Variants in ZNF722 observed in about 807,000 individuals in gnomAD.
ZNF722 encodes the protein zinc finger protein 479 pseudogene.
the ZNF722 span, among the ~76,000 whole-genome samples, chr7:64,013,065 G>C: frequency 6.6e-6 from 1 of 152,052 alleles, no homozygotes; most frequent in Non-Finnish European, 1.5e-5. Flanking sequence ...ACAGTCTACT[G>C]AACTGTGAAC....
At chr7:64,002,918 T>C in the ZNF722 span, among the ~76,000 whole-genome samples, 1 of 152,260 alleles carries the variant, frequency 6.6e-6, no homozygotes, top group Non-Finnish European at 1.5e-5. Flanking sequence ...TGTAAGGGAC[T>C]CTGCTGTGCC....
At chr7:64,017,515 T>A in the ZNF722 span, among the ~76,000 whole-genome samples, 1 of 152,242 alleles carries the variant, frequency 6.6e-6, no homozygotes, top group Non-Finnish European at 1.5e-5. Context: ...ATACCTTTAC[T>A]GGCATTACAG....
At chr7:64,010,993 G>A in the ZNF722 span, among the ~76,000 whole-genome samples, 1 of 152,062 alleles carries the variant, frequency 6.6e-6, no homozygotes, top group Non-Finnish European at 1.5e-5. Flanking sequence ...TTACCATTAT[G>A]TAATGGCCTT....
At chr7:63,999,948 G>A in the ZNF722 span, among the ~76,000 whole-genome samples, 1 of 151,940 alleles carries the variant, frequency 6.6e-6, no homozygotes, top group Non-Finnish European at 1.5e-5. Flanking sequence ...CGCCCATCTT[G>A]GCCTCCCAAA....
At chr7:64,004,388 G>A in the ZNF722 span, among the ~76,000 whole-genome samples, 9 of 126,116 alleles carry the variant, frequency 7.1e-5, no homozygotes, top group Admixed American at 8.0e-4. Flanking sequence ...CAGCCTGGGT[G>A]ACAGAGCGAG....
chr7:64,007,975 G>A, the ZNF722 span, among the ~76,000 whole-genome samples: 1 of 152,164 alleles, frequency 6.6e-6, no homozygotes, highest in Non-Finnish European at 1.5e-5. Flanking sequence ...GTTTTGATTT[G>A]CATTTCTCTG....
chr7:64,014,038 T>C, the ZNF722 span, among the ~76,000 whole-genome samples: 1 of 152,148 alleles, frequency 6.6e-6, no homozygotes, highest in Non-Finnish European at 1.5e-5. Context: ...ACCTCACTTT[T>C]ATCTTGCAGC....
At chr7:64,008,014 CAT>C in the ZNF722 span, among the ~76,000 whole-genome samples, 6 of 152,200 alleles carry the variant, frequency 3.9e-5, no homozygotes, top group Middle Eastern at 3.4e-3. Flanking sequence ...CATTTTTTCA[CAT>C]GTCTGTTGGC....
chr7:64,000,561 C>T, the ZNF722 span, among the ~76,000 whole-genome samples: 1 of 141,770 alleles, frequency 7.1e-6, no homozygotes, highest in South Asian at 2.3e-4. Flanking sequence ...AGTGATTCTC[C>T]TGCCTCAGCC....
chr7:64,009,205 C>G, the ZNF722 span, among the ~76,000 whole-genome samples: 2 of 152,192 alleles, frequency 1.3e-5, no homozygotes, highest in African/African-American at 4.8e-5. Flanking sequence ...GACAATTTGA[C>G]TTCTTCTTTT....
chr7:63,999,136 G>C, the ZNF722 span: 1 of 1,030,374 alleles, frequency 9.7e-7, no homozygotes, highest in Non-Finnish European at 1.5e-6. Flanking sequence ...TCCCAGCTCG[G>C]CTTTTAGTCC....
chr7:64,017,302 T>G, the ZNF722 span, among the ~76,000 whole-genome samples: 1 of 152,140 alleles, frequency 6.6e-6, no homozygotes, highest in Non-Finnish European at 1.5e-5. Flanking sequence ...GCGAATTGCT[T>G]GAACCTGAGA....
the ZNF722 span, among the ~76,000 whole-genome samples, chr7:64,008,529 G>T: frequency 6.6e-6 from 1 of 152,140 alleles, no homozygotes; most frequent in South Asian, 2.1e-4. Flanking sequence ...GTTTTTGTCA[G>T]GTTTGTCAAA....
chr7:64,017,544 T>C, the ZNF722 span, among the ~76,000 whole-genome samples: 2 of 152,230 alleles, frequency 1.3e-5, no homozygotes, highest in African/African-American at 2.4e-5. Context: ...GTATGCATTT[T>C]ATGTTAAAGG....
chr7:63,999,786 C>A, the ZNF722 span, among the ~76,000 whole-genome samples: 3 of 152,042 alleles, frequency 2.0e-5, no homozygotes, highest in Non-Finnish European at 4.4e-5. Context: ...CAACCTCCCC[C>A]TCTCGGGTTC....
At chr7:64,004,011 G>T in the ZNF722 span, among the ~76,000 whole-genome samples, 4 of 152,052 alleles carry the variant, frequency 2.6e-5, no homozygotes, top group African/African-American at 9.7e-5. Flanking sequence ...GCTCTCCAGG[G>T]TGCTAAAGAA....
At chr7:63,999,801 G>A in the ZNF722 span, among the ~76,000 whole-genome samples, 1 of 151,808 alleles carries the variant, frequency 6.6e-6, no homozygotes, top group East Asian at 2.0e-4. Context: ...GGGTTCAAGC[G>A]ATTCTCCCAC....
At chr7:64,004,125 G>A in the ZNF722 span, among the ~76,000 whole-genome samples, 2 of 151,872 alleles carry the variant, frequency 1.3e-5, no homozygotes, top group African/African-American at 2.4e-5. Flanking sequence ...TTTAGGCCGG[G>A]CGCAGTGTCT....
At chr7:64,008,146 C>T in the ZNF722 span, among the ~76,000 whole-genome samples, 1 of 152,088 alleles carries the variant, frequency 6.6e-6, no homozygotes, top group Non-Finnish European at 1.5e-5. Context: ...GATATTAGCC[C>T]TTTGTCAGAT....
Sources: allele counts gnomAD v4.1 joint callset (sites outside exome capture counted in the v4.1 genomes callset), GRCh38; gene constraint gnomAD v4.1.1; transcripts MANE v1.5; gene names NCBI Gene and HGNC (gene_info 2026-07-23, HGNC 2026-07-21).